The following CCDC178 variants were observed in gnomAD, a reference collection of about 807,000 sequenced individuals.
The protein encoded by CCDC178 is coiled-coil domain containing 178.
Under a neutral mutation model 117.4 loss-of-function variants are expected in CCDC178, and 126 were observed. The ratio of observed to expected loss-of-function variants is 1.07; its 90% CI spans 0.93 to 1.24. The LOEUF is 1.24. CCDC178 is among the 50% of genes most tolerant of loss of function. The probability of loss-of-function intolerance (pLI) is 0.00; values close to 1 mark genes in which losing one functional copy is unlikely to be tolerated. For missense variants in CCDC178, 1,030 were observed against 986.9 expected, an observed-to-expected ratio of 1.04 and a Z score of -0.59; for synonymous variants, 283 against 313.4, an observed-to-expected ratio of 0.90 and a Z score of 1.02.
intron 21 of CCDC178, among the ~76,000 whole-genome samples, chr18:33,018,065 C>T (rs2056031458): frequency 6.6e-6 from 1 of 151,892 alleles, no homozygotes; most frequent in Admixed American, 6.6e-5. Context: ...TTAGAATACG[C>T]AAGGAACTCT....
intron 7 of CCDC178, among the ~76,000 whole-genome samples, chr18:33,350,919 T>G (rs1019754939): frequency 6.6e-6 from 1 of 152,138 alleles, no homozygotes; most frequent in Non-Finnish European, 1.5e-5. Flanking sequence ...TGAAGAAAAG[T>G]GGAAAGAGTG....
chr18:33,295,998 C>T (rs564549244), intron 11 of CCDC178, among the ~76,000 whole-genome samples: 51 of 152,212 alleles, frequency 3.4e-4, no homozygotes, highest in African/African-American at 1.2e-3. Context: ...TCCATGGCAA[C>T]TTTATTCAAA....
chr18:33,433,568 T>C (rs1299719167), intron 2 of CCDC178, among the ~76,000 whole-genome samples: 1 of 152,080 alleles, frequency 6.6e-6, no homozygotes, highest in Non-Finnish European at 1.5e-5. Context: ...CAGTAAGCCA[T>C]CTATAGGGAA....
At chr18:33,119,747 G>A (rs2057910136) in intron 20 of CCDC178, among the ~76,000 whole-genome samples, 1 of 152,152 alleles carries the variant, frequency 6.6e-6, no homozygotes, top group Non-Finnish European at 1.5e-5. Flanking sequence ...TATGTTTATT[G>A]CGGCACTATT....
chr18:33,023,048 A>C (rs984809805), intron 21 of CCDC178, among the ~76,000 whole-genome samples: 1 of 152,156 alleles, frequency 6.6e-6, no homozygotes, highest in African/African-American at 2.4e-5. Flanking sequence ...GCAATCCTAA[A>C]TGTGTATGAA....
chr18:33,309,280 G>A (rs1167645228), intron 11 of CCDC178, among the ~76,000 whole-genome samples: 1 of 151,812 alleles, frequency 6.6e-6, no homozygotes, highest in African/African-American at 2.4e-5. Context: ...TAACCCATGT[G>A]TTTAAGGTTC....
intron 2 of CCDC178, among the ~76,000 whole-genome samples, chr18:33,426,081 A>G (rs1034371728): frequency 3.3e-5 from 5 of 152,206 alleles, no homozygotes; most frequent in African/African-American, 4.8e-5. Flanking sequence ...ATTAAGTATG[A>G]TATAGAAGGG....
At chr18:33,314,133 G>A (rs2062383126) in intron 11 of CCDC178, among the ~76,000 whole-genome samples, 4 of 144,422 alleles carry the variant, frequency 2.8e-5, no homozygotes, top group South Asian at 4.6e-4. Flanking sequence ...CCCGGGAGGC[G>A]GAGCTTGCAG....
chr18:32,978,088 TA>T (rs1215641342), intron 21 of CCDC178, among the ~76,000 whole-genome samples: 3 of 152,150 alleles, frequency 2.0e-5, no homozygotes, highest in African/African-American at 7.2e-5. Context: ...GTCTGTATTC[TA>T]GCTTGAGGTA....
chr18:32,992,622 T>C (rs1398303860), intron 21 of CCDC178, among the ~76,000 whole-genome samples: 3 of 152,204 alleles, frequency 2.0e-5, no homozygotes, highest in East Asian at 3.9e-4. Context: ...TAATGTGTTA[T>C]ATATTTCAAA....
intron 20 of CCDC178, among the ~76,000 whole-genome samples, chr18:33,121,278 TAGAC>T (rs1187057372): frequency 6.6e-6 from 1 of 152,070 alleles, no homozygotes; most frequent in African/African-American, 2.4e-5. Flanking sequence ...GATACAGACA[TAGAC>T]AGAGAAGAAA....
chr18:33,101,593 G>A (rs1479710065), intron 20 of CCDC178, among the ~76,000 whole-genome samples: 2 of 151,974 alleles, frequency 1.3e-5, no homozygotes, highest in East Asian at 3.9e-4. Flanking sequence ...TGGCCCATGG[G>A]ATACAGATTC....
chr18:33,026,932 C>A lies in CCDC178; in HGVS notation c.2389-52251G>T, dbSNP rs79661985. ...AGAAATTGCCAAAGGATTCTTCAGG[C>A]AGATGCAAACATGGAAATGCAGAAA... On this transcript the variant is annotated intron_variant, in intron 21 of 22. Coordinates refer to ENST00000383096, the MANE Select transcript of CCDC178 (RefSeq NM_001105528.4). Among the ~76,000 whole-genome samples, 1,355 of 151,922 alleles carry A rather than the reference C, an allele frequency of 8.9e-3. 20 individuals carry two copies. The highest frequency in any genetic ancestry group is 0.031 in the African/African-American group (1,300 of 41,522).
At chr18:33,416,833 C>T (rs577527042) in intron 2 of CCDC178, among the ~76,000 whole-genome samples, 54 of 152,214 alleles carry the variant, frequency 3.5e-4, no homozygotes, top group African/African-American at 1.3e-3. Context: ...CCCCTTCCAG[C>T]CAGAAAGAGC....
intron 16 of CCDC178, among the ~76,000 whole-genome samples, chr18:33,225,170 T>A (rs1203298606): frequency 2.0e-5 from 3 of 151,436 alleles, no homozygotes; most frequent in Admixed American, 2.0e-4. Flanking sequence ...TATGCTTTTT[T>A]TAAATTTTTT....
At position 33,245,227 on chromosome 18, in the gene CCDC178, A is replaced by T; in HGVS notation, c.1593+18T>A. On this transcript the variant is annotated intron_variant, in intron 15 of 22. Coordinates refer to ENST00000383096, the MANE Select transcript of CCDC178 (RefSeq NM_001105528.4). ...TCTTTTTTTCATCATGAGTAAGAGG[A>T]ACACAAAGATACACAACCTTGAACT... 1 of 1,538,610 alleles carries T rather than the reference A, an allele frequency of 6.5e-7. No homozygotes were observed. Among genetic ancestry groups the T allele is most frequent in the Non-Finnish European group, 8.7e-7 (1 of 1,146,104 alleles).
At chr18:33,077,263 GT>G in intron 21 of CCDC178, among the ~76,000 whole-genome samples, 1 of 152,272 alleles carries the variant, frequency 6.6e-6, no homozygotes, top group South Asian at 2.1e-4. Flanking sequence ...GCTAGCTCTG[GT>G]TCCCACTTAC....
intron 6 of CCDC178, among the ~76,000 whole-genome samples, chr18:33,359,939 T>C (rs970025441): frequency 7.9e-5 from 12 of 151,402 alleles, no homozygotes; most frequent in Non-Finnish European, 1.0e-4. Flanking sequence ...TATATTTTTA[T>C]TGGAAATTAT....
intron 14 of CCDC178, among the ~76,000 whole-genome samples, chr18:33,254,753 A>G (rs1188700034): frequency 6.6e-6 from 1 of 152,080 alleles, no homozygotes; most frequent in Non-Finnish European, 1.5e-5. Flanking sequence ...AAGGAGAAGG[A>G]GGAAAAAGTA....
Sources: allele counts gnomAD v4.1 joint callset (sites outside exome capture counted in the v4.1 genomes callset), GRCh38; gene constraint gnomAD v4.1.1; transcripts MANE v1.5; gene names NCBI Gene and HGNC (gene_info 2026-07-23, HGNC 2026-07-21).